Variants in ZNF251 observed in about 807,000 individuals in gnomAD.
ZNF251 encodes the protein zinc finger protein 251.
In ZNF251, 14 loss-of-function variants were observed where a neutral mutation model predicts 13.5. The observed-to-expected ratio is 1.04, with a 90% confidence interval of 0.69 to 1.63. ZNF251 has a LOEUF of 1.63. Ranked by LOEUF, ZNF251 falls within the 40% of genes most tolerant of loss-of-function variation. The pLI, the probability that ZNF251 is intolerant of heterozygous loss-of-function variation, is 0.00. For missense variants in ZNF251, 764 were observed against 834.9 expected (o/e 0.92, Z 1.05); for synonymous variants, 287 against 295.2 (o/e 0.97, Z 0.28).
At position 144,734,795 on chromosome 8, in the gene ZNF251, C is replaced by T. The variant is rs559557223; in HGVS notation, c.278-11413G>A. Among the ~76,000 whole-genome samples, 139 of 152,266 alleles carry T rather than the reference C, an allele frequency of 9.1e-4. No homozygotes were observed. Among genetic ancestry groups the T allele is most frequent in the Non-Finnish European group, 1.4e-3 (95 of 67,996 alleles). ...ATTTGTCTTAAGGGATTTTGCAGGC[C>T]GGGCGTGGTAGCTCACGCCTGTAAT... On this transcript the variant is annotated intron_variant, in intron 4 of 4. Transcript: ENST00000292562. This position sits in a 1 kb window ranked among gnomAD's most constrained non-coding sequence, Gnocchi z 4.4.
At chr8:144,751,874 T>C (rs1298632039) in intron 4 of ZNF251, among the ~76,000 whole-genome samples, 2 of 152,050 alleles carry the variant, frequency 1.3e-5, no homozygotes. Context: ...AGATATACTA[T>C]GCTAACAGTA....
Position 144,754,810 on chromosome 8 carries a change from T to TG in ZNF251, c.-75-8dup. The TG allele has an allele frequency of 6.4e-7, 1 of 1,558,394 alleles. No individual in the cohort carries two copies. Among genetic ancestry groups the TG allele is most frequent in the Non-Finnish European group, 8.7e-7 (1 of 1,152,848 alleles). On this transcript the variant is annotated splice_polypyrimidine_tract_variant and splice_region_variant and intron_variant, in intron 1 of 4. Transcript: ENST00000292562. The stretch of plus-strand genomic sequence containing the variant: ...GAAGTCTCCCCGAACTTACCTTCAG[T>TG]GGGGAGAACTCAGGCTCAGCCCCAT...
At chr8:144,736,060 C>T (rs1250551601) in intron 4 of ZNF251, among the ~76,000 whole-genome samples, 1 of 152,180 alleles carries the variant, frequency 6.6e-6, no homozygotes, top group Non-Finnish European at 1.5e-5. Flanking sequence ...TCATGGGCCC[C>T]CACGCTGGGC....
At chr8:144,740,373 A>T (rs530444237) in intron 4 of ZNF251, among the ~76,000 whole-genome samples, 13 of 151,820 alleles carry the variant, frequency 8.6e-5, no homozygotes, top group Non-Finnish European at 1.5e-4. Context: ...GCAGTGGCTC[A>T]TGCCCGTAAT....
intron 4 of ZNF251, among the ~76,000 whole-genome samples, chr8:144,750,774 C>T (rs761704478): frequency 5.9e-4 from 89 of 151,882 alleles, no homozygotes; most frequent in Admixed American, 1.8e-3. Context: ...ATCTGGCCAC[C>T]GGTTCCCTGG....
At chr8:144,743,545 T>G (rs1342021406) in intron 4 of ZNF251, among the ~76,000 whole-genome samples, 1 of 152,236 alleles carries the variant, frequency 6.6e-6, no homozygotes, top group Non-Finnish European at 1.5e-5. Context: ...GGATTTTGTG[T>G]GGACATAAAT....
intron 1 of ZNF251, chr8:144,755,195 G>A: frequency 8.6e-7 from 1 of 1,169,538 alleles, no homozygotes; most frequent in South Asian, 1.6e-5. Context: ...CAGGCTCCGG[G>A]GAGAGGCCGG....
chr8:144,725,027 CTTT>C (rs904146314), intron 4 of ZNF251, among the ~76,000 whole-genome samples: 1 of 146,740 alleles, frequency 6.8e-6, no homozygotes, highest in Non-Finnish European at 1.5e-5. Flanking sequence ...TTTTTTTTTT[CTTT>C]GAGACAGAGT....
At position 144,722,332 on chromosome 8, in the gene ZNF251, C is replaced by A; in HGVS notation, c.1328G>T (p.Arg443Leu). Reference protein sequence around the residue: ...YVCNECGKAFRRSSTLVQHRR... With the variant: ...YVCNECGKAFLRSSTLVQHRR... The stretch of plus-strand genomic sequence containing the variant: ...ATGCTGAACAAGAGTGGAACTCCGA[C>A]GAAAGGCTTTGCCGCACTCATTACA... The change falls in exon 5 of 5, where the codon CGT becomes CTT. Residue 443 changes from arginine to leucine, a missense_variant. Coordinates refer to ENST00000292562, the MANE Select transcript of ZNF251 (RefSeq NM_138367.2). This position sits in a 1 kb window ranked among gnomAD's most constrained non-coding sequence, Gnocchi z 4.8. 6.2e-7 allele frequency: 1 copy of A among 1,613,776 alleles called. No individual in the cohort carries two copies. Among genetic ancestry groups the A allele is most frequent in the Non-Finnish European group, 8.5e-7 (1 of 1,179,750 alleles).
In ZNF251 at chr8:144,722,383, A is replaced by C. The variant is rs1823397824; in HGVS notation, c.1277T>G (p.Ile426Ser). Residue 426 changes from isoleucine to serine, a missense_variant, in exon 5 of 5, where the codon ATT becomes AGT. Coordinates refer to ENST00000292562, the MANE Select transcript of ZNF251 (RefSeq NM_138367.2). This position sits in a 1 kb window ranked among gnomAD's most constrained non-coding sequence, Gnocchi z 4.8. The part of the protein sequence containing the change: ...FNSHLTEHVR[I>S]HTGEKPYVCN... ...AACATAGGGTTTTTCTCCTGTGTGA[A>C]TCCTTACGTGTTCAGTAAGATGAGA... is the stretch of plus-strand genomic sequence containing the variant. 6 of 1,613,970 alleles carry C rather than the reference A, an allele frequency of 3.7e-6. No individual in the cohort carries two copies. Among genetic ancestry groups the C allele is most frequent in the Middle Eastern group, 1.6e-4 (1 of 6,062 alleles).
chr8:144,754,914 C>T (rs894409417), intron 1 of ZNF251, 111 bp from the exon 2 acceptor site: 5 of 1,432,298 alleles, frequency 3.5e-6, no homozygotes, highest in Non-Finnish European at 4.6e-6. Flanking sequence ...GGAGGCAGGT[C>T]ACTATGCAGC....
At chr8:144,724,137 A>C (rs1042155266) in intron 4 of ZNF251, among the ~76,000 whole-genome samples, 3 of 151,902 alleles carry the variant, frequency 2.0e-5, no homozygotes, top group Non-Finnish European at 4.4e-5. Flanking sequence ...CCAGCTACTC[A>C]GGAGGCTGAG....
intron 4 of ZNF251, among the ~76,000 whole-genome samples, chr8:144,747,143 AT>A (rs1314646110): frequency 6.6e-6 from 1 of 152,156 alleles, no homozygotes; most frequent in African/African-American, 2.4e-5. Context: ...CATTCCACAA[AT>A]TTTGGTAAGT....
In ZNF251 at chr8:144,755,529, G is replaced by A. The variant is rs1048795539; in HGVS notation, c.-200C>T. 123 of 1,284,772 alleles carry A rather than the reference G, an allele frequency of 9.6e-5. No homozygotes were observed. In the African/African-American group the frequency reaches 1.7e-3, roughly 18 times the overall value. The allele number at this position is 1,284,772 out of a possible 1,614,324, so 79.6% of individuals were successfully genotyped here. On this transcript the variant is annotated 5_prime_UTR_variant, in exon 1 of 5. Transcript: ENST00000292562. ...CGGGGAGGGGGCGGGCTAGGATGAAGAGGGCGGGCCGGGCCGAGCTGCGCA... is the reference window on the plus strand; with the variant it reads ...CGGGGAGGGGGCGGGCTAGGATGAAAAGGGCGGGCCGGGCCGAGCTGCGCA...
Position 144,722,866 on chromosome 8 carries a change from A to G in ZNF251, c.794T>C (p.Phe265Ser). 6.2e-7 allele frequency: 1 copy of G among 1,613,906 alleles called. No individual in the cohort carries two copies. The change falls in exon 5 of 5, where the codon TTT becomes TCT. Residue 265 changes from phenylalanine (F) to serine (S), a missense_variant. By Grantham distance (155) the Phe-to-Ser change is radical. Coordinates refer to ENST00000292562, the MANE Select transcript of ZNF251 (RefSeq NM_138367.2). The surrounding 1 kb of genome is among the most constrained non-coding windows in gnomAD (Gnocchi z 4.8). Reference sequence around the variant, plus strand: ...AGTTTTCCCACATTCATCACATTTAAATGGTTTATTTCCAGTGTGAATGTG... The same window carrying G: ...AGTTTTCCCACATTCATCACATTTAGATGGTTTATTTCCAGTGTGAATGTG... The part of the protein sequence containing the change: ...HHHIHTGNKP[F>S]KCDECGKTFG...
Position 144,722,772 on chromosome 8 carries a change from A to G in ZNF251, c.888T>C (p.Gly296=). 1.2e-6 allele frequency: 2 copies of G among 1,614,120 alleles called. No individual in the cohort carries two copies. The highest frequency in any genetic ancestry group is 8.5e-7 in the Non-Finnish European group (1 of 1,179,936). ...TTCGACTGAAAGCCTTCCCACACTC[A>G]CCACAGCCAAAGGGTTTTTCTCCAG... The part of the protein sequence containing the change: ...IHTGEKPFGC[G]ECGKAFSRSS... Residue 296 remains glycine, a synonymous_variant, in exon 5 of 5, where the codon GGT becomes GGC. Transcript: ENST00000292562. This position sits in a 1 kb window ranked among gnomAD's most constrained non-coding sequence, Gnocchi z 4.8.
chr8:144,732,555 G>C (rs895819539), intron 4 of ZNF251, among the ~76,000 whole-genome samples: 1 of 152,130 alleles, frequency 6.6e-6, no homozygotes, highest in Non-Finnish European at 1.5e-5. Flanking sequence ...GCTCACGCCT[G>C]TAATCCCAGC....
Position 144,755,417 on chromosome 8 carries a change from C to T in ZNF251, c.-88G>A, listed in dbSNP as rs1009064177. On this transcript the variant is annotated 5_prime_UTR_variant, in exon 1 of 5. Transcript: ENST00000292562. ...GACACTGCCCCACCTGTTTGCTCGA[C>T]CCGGGGAAGCCACCGAGGAAGCGCC... 2 of 1,288,336 alleles carry T rather than the reference C, an allele frequency of 1.6e-6. No individual in the cohort carries two copies. The highest frequency in any genetic ancestry group is 1.2e-5 in the South Asian group (1 of 81,334). 79.8% of individuals were successfully genotyped at this position (1,288,336 alleles called of 1,614,324 possible).
chr8:144,737,831 C>CT (rs2129990061), intron 4 of ZNF251, among the ~76,000 whole-genome samples: 1 of 98,854 alleles, frequency 1.0e-5, no homozygotes, highest in East Asian at 3.5e-4. Context: ...GAGCGAGACT[C>CT]TGTCTCAAAA....
Sources: allele counts gnomAD v4.1 joint callset (sites outside exome capture counted in the v4.1 genomes callset), GRCh38; gene constraint gnomAD v4.1.1; non-coding constraint Gnocchi (gnomAD v3.1); transcripts MANE v1.5; gene names NCBI Gene and HGNC (gene_info 2026-07-23, HGNC 2026-07-21).